Variants in CARHSP1 observed in about 807,000 individuals in gnomAD.
CARHSP1 encodes the protein calcium-regulated heat-stable protein 1.
CARHSP1 carries 14 observed loss-of-function variants against 12.5 expected under a neutral mutation model. That is an observed-to-expected ratio of 1.12 (90% CI 0.74 to 1.75). The LOEUF (loss-of-function observed/expected upper bound fraction) is 1.75, where lower values mean the gene tolerates loss of function less well. Among genes scored for constraint, CARHSP1 ranks in the 40% most tolerant of loss-of-function variants. The pLI is 0.00. For missense variants in CARHSP1, 343 were observed against 201.6 expected, an observed-to-expected ratio of 1.70 and a Z score of -4.25; for synonymous variants, 161 against 82.0, an observed-to-expected ratio of 1.96 and a Z score of -5.20.
chr16:8,858,091 A>G, intron 3 of CARHSP1: 2 of 506,490 alleles, frequency 3.9e-6, no homozygotes, highest in Non-Finnish European at 7.1e-6. Flanking sequence ...CCCATTCACA[A>G]AGACACACCC....
intron 1 of CARHSP1, among the ~76,000 whole-genome samples, chr16:8,862,392 T>A (rs763202984): frequency 3.9e-5 from 6 of 152,120 alleles, no homozygotes; most frequent in South Asian, 4.1e-4. Flanking sequence ...ACGACTGTTG[T>A]TATAATTGTC....
At chr16:8,867,274 C>T (rs2061469412) in intron 1 of CARHSP1, 1 of 152,380 alleles carries the variant, frequency 6.6e-6, no homozygotes, top group African/African-American at 2.4e-5. Context: ...CCTGACTGGT[C>T]CCCACTCCCT....
chr16:8,865,385 C>G (rs2061438280), intron 1 of CARHSP1, among the ~76,000 whole-genome samples: 1 of 152,240 alleles, frequency 6.6e-6, no homozygotes, highest in Non-Finnish European at 1.5e-5. Context: ...CCTCGGATTA[C>G]AGGCATGAGC....
At chr16:8,864,750 C>T (rs779179553) in intron 1 of CARHSP1, among the ~76,000 whole-genome samples, 19 of 152,308 alleles carry the variant, frequency 1.2e-4, no homozygotes, top group Non-Finnish European at 2.4e-4. Context: ...CAGGAAGCCA[C>T]GCCCACCCTG....
intron 1 of CARHSP1, among the ~76,000 whole-genome samples, chr16:8,862,193 C>G (rs565697218): frequency 4.0e-5 from 6 of 151,750 alleles, no homozygotes; most frequent in South Asian, 2.1e-4. Context: ...ACTTCTAATC[C>G]TACCCCTTGC....
In CARHSP1 at chr16:8,855,201, T is replaced by TTGGTGCC. The variant is rs1336839017; in HGVS notation, c.400_406dup (p.Lys136ArgfsTer5). 2 of 1,612,300 alleles carry TTGGTGCC rather than the reference T, an allele frequency of 1.2e-6. No individual in the cohort carries two copies. The highest frequency in any genetic ancestry group is 2.7e-5 in the African/African-American group (2 of 74,874). Reference sequence around the variant, plus strand: ...GACATGTCCAGACCAGGTCTCATGCTTGGTGCCTGGTGCCAGGTGAGTGAT... The same window carrying TTGGTGCC: ...GACATGTCCAGACCAGGTCTCATGCTTGGTGCCTGGTGCCTGGTGCCAGGTGAGTGAT... On this transcript the variant is annotated frameshift_variant, in exon 4 of 4. Transcript: ENST00000311052. LOFTEE classifies it high-confidence loss of function.
chr16:8,856,445 A>G (rs1322349589), intron 3 of CARHSP1, among the ~76,000 whole-genome samples: 1 of 152,142 alleles, frequency 6.6e-6, no homozygotes, highest in Non-Finnish European at 1.5e-5. Context: ...AGACATCACA[A>G]TATTTCCATC....
intron 1 of CARHSP1, among the ~76,000 whole-genome samples, chr16:8,861,969 C>T (rs573749116): frequency 7.0e-6 from 1 of 142,188 alleles, no homozygotes; most frequent in Admixed American, 7.3e-5. Context: ...CTCCTTTCTC[C>T]TGGAGTCAAG....
At chr16:8,855,360 C>A in intron 3 of CARHSP1, 34 bp from the exon 4 acceptor site, 1 of 1,458,650 alleles carries the variant, frequency 6.9e-7, no homozygotes, top group South Asian at 1.4e-5. Flanking sequence ...TCAGGGCTCA[C>A]ACCGGGACAC....
intron 1 of CARHSP1, chr16:8,866,511 G>A: frequency 1.0e-6 from 1 of 981,088 alleles, no homozygotes; most frequent in Non-Finnish European, 1.2e-6. Flanking sequence ...CCCAGCCTGG[G>A]AGAACTGCCG....
Position 8,855,009 on chromosome 16 carries a change from CTG to C in CARHSP1, c.*153_*154del. Reference sequence around the variant, plus strand: ...GCCGGGAACACCCCACACCCCACACCTGCCCCCCATACCCCTTCCTCCAGGAG... The same window carrying C: ...GCCGGGAACACCCCACACCCCACACCCCCCCCATACCCCTTCCTCCAGGAG... On this transcript the variant is annotated 3_prime_UTR_variant, in exon 4 of 4. Coordinates refer to ENST00000311052, the MANE Select transcript of CARHSP1 (RefSeq NM_014316.4). The C allele has an allele frequency of 1.3e-5, 7 of 539,566 alleles. No homozygotes were observed. Among genetic ancestry groups the C allele is most frequent in the Non-Finnish European group, 1.8e-5 (6 of 328,112 alleles). 33.4% of individuals were successfully genotyped at this position (539,566 alleles called of 1,614,324 possible). A position where few individuals can be genotyped will look rare whatever the true frequency, so the allele number is the denominator to read the frequency against.
In CARHSP1 at chr16:8,854,172, A is replaced by G. The variant is rs2061023763; in HGVS notation, c.*992T>C. ...AGCTTTAGTTATGAAAAATAAGAAA[A>G]AAAAAATCCCTAAGCATTTCTTAAC... is the stretch of plus-strand genomic sequence containing the variant. On this transcript the variant is annotated 3_prime_UTR_variant, in exon 4 of 4. Transcript: ENST00000311052. 6.6e-6 allele frequency: 1 copy of G among 152,030 alleles called. No individual in the cohort carries two copies. The highest frequency in any genetic ancestry group is 2.4e-5 in the African/African-American group (1 of 41,392). The allele number at this position is 152,030 out of a possible 1,614,324, so 9.4% of individuals were successfully genotyped here.
At chr16:8,858,829 G>A in intron 2 of CARHSP1, 1 of 406,958 alleles carries the variant, frequency 2.5e-6, no homozygotes, top group Non-Finnish European at 4.4e-6. Flanking sequence ...GCATTATGTG[G>A]GTCCTTTGCA....
chr16:8,855,373 C>T, intron 3 of CARHSP1, 47 bp from the exon 4 acceptor site: 1 of 1,420,088 alleles, frequency 7.0e-7, no homozygotes, highest in Non-Finnish European at 9.3e-7. Flanking sequence ...CGGGACACAG[C>T]TCCCTTCCCC....
intron 2 of CARHSP1, chr16:8,858,927 C>A: frequency 2.2e-6 from 1 of 462,758 alleles, no homozygotes; most frequent in Non-Finnish European, 3.8e-6. Context: ...CCCAGCGATT[C>A]TGACCCCAGC....
At position 8,865,823 on chromosome 16, in the gene CARHSP1, G is replaced by T. The variant is rs1365035667; in HGVS notation, c.-8+3143C>A. Among the ~76,000 whole-genome samples the T allele has an allele frequency of 2.0e-5, 3 of 152,218 alleles. No individual in the cohort carries two copies. In the East Asian group the frequency reaches 5.8e-4, roughly 29 times the overall value. ...CTTTTAGCAGCCCTGTTTTACAGAT[G>T]AGGAAACTAAGGCACAGAGTTAAGC... On this transcript the variant is annotated intron_variant, in intron 1 of 3. Coordinates refer to ENST00000311052, the MANE Select transcript of CARHSP1 (RefSeq NM_014316.4).
At chr16:8,861,935 T>G (rs2061367821) in intron 1 of CARHSP1, 1 of 392,750 alleles carries the variant, frequency 2.5e-6, no homozygotes, top group Non-Finnish European at 3.7e-6. Flanking sequence ...CTGCCCTGCC[T>G]TGTTCTATCC....
intron 1 of CARHSP1, among the ~76,000 whole-genome samples, chr16:8,860,940 C>T (rs1305505812): frequency 2.0e-5 from 3 of 151,522 alleles, no homozygotes; most frequent in Non-Finnish European, 4.4e-5. Context: ...ATCCCAGCTA[C>T]TCGGGAGGCC....
chr16:8,857,234 T>G (rs1330605702), intron 3 of CARHSP1, among the ~76,000 whole-genome samples: 1 of 149,346 alleles, frequency 6.7e-6, no homozygotes, highest in Non-Finnish European at 1.5e-5. Flanking sequence ...TTTCCATCAC[T>G]TTCTGGCTAT....
Sources: gnomAD v4.1 joint callset for allele counts (sites outside exome capture counted in the v4.1 genomes callset) on GRCh38, gnomAD v4.1.1 for gene constraint, MANE v1.5 for transcripts, NCBI Gene and HGNC (gene_info 2026-07-23, HGNC 2026-07-21) for gene names.